The following AGBL4 variants were observed in gnomAD, a reference collection of about 807,000 sequenced individuals.
AGBL4 encodes AGBL carboxypeptidase 4.
AGBL4 carries 58 observed loss-of-function variants against 66.4 expected under a neutral mutation model. The observed-to-expected ratio is 0.87, with a 90% CI of 0.71 to 1.09. The LOEUF (loss-of-function observed/expected upper bound fraction) is 1.09, where lower values mean the gene tolerates loss of function less well. Among genes scored for constraint, AGBL4 ranks in the 50% least tolerant of loss-of-function variants. The pLI is 0.00. For synonymous variants in AGBL4, 234 were observed against 222.9 expected, an observed-to-expected ratio of 1.05 and a Z score of -0.44; for missense variants, 579 against 631.0, an observed-to-expected ratio of 0.92 and a Z score of 0.88.
intron 5 of AGBL4, among the ~76,000 whole-genome samples, chr1:48,955,499 C>T (rs1657370661): frequency 6.6e-6 from 1 of 152,050 alleles, no homozygotes; most frequent in South Asian, 2.1e-4. Context: ...CTTTGTATGC[C>T]ATTTTTGTTT....
At chr1:48,545,286 T>C (rs1437837607) in intron 11 of AGBL4, among the ~76,000 whole-genome samples, 1 of 152,150 alleles carries the variant, frequency 6.6e-6, no homozygotes, top group African/African-American at 2.4e-5. Flanking sequence ...TAAAAGCCAG[T>C]GTTTTAAAAA....
chr1:49,528,960 A>C (rs1052132783), intron 3 of AGBL4, among the ~76,000 whole-genome samples: 19 of 152,282 alleles, frequency 1.2e-4, no homozygotes, highest in African/African-American at 3.8e-4. Context: ...AGTCTTGTAC[A>C]TTAAGCTCTA....
At chr1:49,904,279 C>T (rs1243769381) in intron 1 of AGBL4, among the ~76,000 whole-genome samples, 1 of 152,128 alleles carries the variant, frequency 6.6e-6, no homozygotes, top group Non-Finnish European at 1.5e-5. Context: ...ACATCCTATA[C>T]AATGTTATAG....
intron 5 of AGBL4, among the ~76,000 whole-genome samples, chr1:49,008,829 C>A (rs1158964623): frequency 6.6e-6 from 1 of 151,474 alleles, no homozygotes; most frequent in Non-Finnish European, 1.5e-5. Context: ...TTGAAACCAA[C>A]GAGAACAAAG....
intron 5 of AGBL4, among the ~76,000 whole-genome samples, chr1:48,992,537 G>C (rs1660678678): frequency 6.6e-6 from 1 of 152,086 alleles, no homozygotes; most frequent in Non-Finnish European, 1.5e-5. Context: ...CAGGCGGCAA[G>C]GCCAGCCAGG....
At chr1:48,668,598 T>C (rs1341248174) in intron 6 of AGBL4, among the ~76,000 whole-genome samples, 1 of 152,096 alleles carries the variant, frequency 6.6e-6, no homozygotes, top group Non-Finnish European at 1.5e-5. Context: ...CCAGCCCCCA[T>C]CTTGGCCGTC....
At chr1:48,961,080 G>GGGGT (rs1553130836) in intron 5 of AGBL4, among the ~76,000 whole-genome samples, 28 of 148,710 alleles carry the variant, frequency 1.9e-4, no homozygotes, top group African/African-American at 5.2e-4. Context: ...CCCAGTCTGG[G>GGGGT]GTGTGTGTGT....
intron 1 of AGBL4, among the ~76,000 whole-genome samples, chr1:50,000,437 A>T (rs1326866870): frequency 2.0e-5 from 3 of 152,202 alleles, no homozygotes; most frequent in Non-Finnish European, 2.9e-5. Context: ...GTTGGCGTGG[A>T]TGTGGTGAAA....
intron 2 of AGBL4, among the ~76,000 whole-genome samples, chr1:49,810,589 GAAT>G (rs1244999372): frequency 6.6e-6 from 1 of 152,008 alleles, no homozygotes; most frequent in African/African-American, 2.4e-5. Flanking sequence ...TAAAACAAAA[GAAT>G]AATGAAGAAA....
chr1:49,981,087 T>C (rs1210010018), intron 1 of AGBL4, among the ~76,000 whole-genome samples: 1 of 152,182 alleles, frequency 6.6e-6, no homozygotes, highest in Non-Finnish European at 1.5e-5. Context: ...CAAAGTTGAA[T>C]GCTTCTGGAA....
intron 4 of AGBL4, among the ~76,000 whole-genome samples, chr1:49,111,363 T>C (rs565836979): frequency 7.1e-4 from 108 of 152,304 alleles, no homozygotes; most frequent in Non-Finnish European, 8.5e-4. Context: ...CCGCCCGCCT[T>C]GGCCTCCCAG....
intron 1 of AGBL4, among the ~76,000 whole-genome samples, chr1:49,928,245 A>T (rs1557588303): frequency 6.6e-6 from 1 of 151,742 alleles, no homozygotes; most frequent in African/African-American, 2.4e-5. Context: ...TTTATTTTTT[A>T]TTTTTATTTT....
At chr1:49,844,886 C>T (rs1341059591) in intron 2 of AGBL4, 3 of 1,422,502 alleles carry the variant, frequency 2.1e-6, no homozygotes, top group Non-Finnish European at 3.0e-6. Flanking sequence ...GCCTTGATGC[C>T]TTTGAAGATG....
At chr1:49,175,761 C>T (rs545488534) in intron 4 of AGBL4, among the ~76,000 whole-genome samples, 1 of 152,238 alleles carries the variant, frequency 6.6e-6, no homozygotes, top group East Asian at 1.9e-4. Flanking sequence ...ATTGAAATGT[C>T]ACGGGGCTGT....
chr1:48,929,162 G>T (rs1484260516), intron 5 of AGBL4, among the ~76,000 whole-genome samples: 1 of 152,152 alleles, frequency 6.6e-6, no homozygotes, highest in Non-Finnish European at 1.5e-5. Flanking sequence ...CCACAACAGA[G>T]ATATCCTTTT....
At chr1:48,679,552 G>A (rs1646421535) in intron 6 of AGBL4, among the ~76,000 whole-genome samples, 1 of 152,094 alleles carries the variant, frequency 6.6e-6, no homozygotes, top group South Asian at 2.1e-4. Context: ...TCATCAGTGT[G>A]GGTGATTTCT....
intron 3 of AGBL4, among the ~76,000 whole-genome samples, chr1:49,552,264 C>T (rs1227965523): frequency 6.6e-6 from 1 of 152,160 alleles, no homozygotes; most frequent in African/African-American, 2.4e-5. Flanking sequence ...GGTTCTTCCC[C>T]CGCCTGTGGA....
intron 3 of AGBL4, among the ~76,000 whole-genome samples, chr1:49,624,002 A>AGTGT (rs34356093): frequency 0.027 from 4,094 of 149,428 alleles, 132 homozygotes; most frequent in African/African-American, 0.081. Context: ...GATGAGAGAG[A>AGTGT]GTGTGTGTGT....
intron 1 of AGBL4, among the ~76,000 whole-genome samples, chr1:49,935,714 C>A (rs565666441): frequency 3.7e-4 from 56 of 152,286 alleles, no homozygotes; most frequent in African/African-American, 1.3e-3. Flanking sequence ...GCTGCTGATA[C>A]CCAGGCAAAC....
Sources: allele counts gnomAD v4.1 joint callset (sites outside exome capture counted in the v4.1 genomes callset), GRCh38; gene constraint gnomAD v4.1.1; transcripts MANE v1.5; gene names NCBI Gene and HGNC (gene_info 2026-07-23, HGNC 2026-07-21).